The following ADPGK variants were observed in gnomAD, a reference collection of about 807,000 sequenced individuals.
ADPGK encodes the protein ADP dependent glucokinase, also known as ADP-dependent glucokinase.
A neutral mutation model predicts 42.4 loss-of-function variants in ADPGK; 26 were observed. The ratio of observed to expected loss-of-function variants is 0.61; its 90% CI spans 0.45 to 0.85. The LOEUF (loss-of-function observed/expected upper bound fraction) is 0.85. Ranked by LOEUF, ADPGK falls within the 40% of genes least tolerant of loss-of-function variation. The pLI is 0.00. For missense variants in ADPGK, 571 were observed against 627.0 expected (o/e 0.91, Z 0.95); for synonymous variants, 267 against 252.6 (o/e 1.06, Z -0.54).
At chr15:72,776,000 A>G (rs1356510588) in intron 1 of ADPGK, among the ~76,000 whole-genome samples, 4 of 152,088 alleles carry the variant, frequency 2.6e-5, no homozygotes, top group Admixed American at 2.6e-4. Flanking sequence ...AACTTTATAC[A>G]ATGTTTTAAA....
At chr15:72,782,750 A>G (rs2066480091) in intron 1 of ADPGK, 1 of 152,164 alleles carries the variant, frequency 6.6e-6, no homozygotes, top group Admixed American at 6.5e-5. Context: ...AGATTACGGC[A>G]AGAAAGTCAA....
At chr15:72,763,248 T>C (rs376987597) in intron 3 of ADPGK, among the ~76,000 whole-genome samples, 1 of 151,980 alleles carries the variant, frequency 6.6e-6, no homozygotes, top group African/African-American at 2.4e-5. Flanking sequence ...ACCTCCTGCG[T>C]TTAAGTGATT....
chr15:72,765,018 T>C (rs936137503), intron 3 of ADPGK, among the ~76,000 whole-genome samples: 1 of 151,346 alleles, frequency 6.6e-6, no homozygotes, highest in Non-Finnish European at 1.5e-5. Flanking sequence ...AAAAAATGTT[T>C]GAAGTATCAC....
chr15:72,774,881 T>C lies in ADPGK; in HGVS notation c.450A>G (p.Pro150=). 1 of 1,612,328 alleles carries C rather than the reference T, an allele frequency of 6.2e-7. No individual in the cohort carries two copies. Among genetic ancestry groups the C allele is most frequent in the Non-Finnish European group, 8.5e-7 (1 of 1,178,394 alleles). The change falls in exon 2 of 7, where the codon CCA becomes CCG. Residue 150 remains proline, a synonymous_variant. Coordinates refer to ENST00000456471, the MANE Select transcript of ADPGK (RefSeq NM_001365225.1). ...GCTGAACCAAACAGACCTGGGCTCC[T>C]GGGAACTCTGATGCAACCTGGGCAA... ...HDIAQVASEF[P]GAQHYVGGNA...
chr15:72,762,889 C>T lies in ADPGK; in HGVS notation c.523-2362G>A, dbSNP rs918413738. 2.0e-5 allele frequency among the ~76,000 whole-genome samples: 3 copies of T among 152,130 alleles called. No homozygotes were observed. In the East Asian group the frequency reaches 5.8e-4, roughly 29 times the overall value. On this transcript the variant is annotated intron_variant, in intron 3 of 6. Coordinates refer to ENST00000456471, the MANE Select transcript of ADPGK (RefSeq NM_001365225.1). ...ATCCCAGCTACTCAGGAGGCTGAGG[C>T]AGGAGAATCACTTGAACCTGGGAGG... is the stretch of plus-strand genomic sequence containing the variant.
chr15:72,752,541 C>T lies in ADPGK; in HGVS notation c.1294G>A (p.Glu432Lys), dbSNP rs1455836735. The T allele has an allele frequency of 3.1e-6, 5 of 1,614,204 alleles. No individual in the cohort carries two copies. In the Middle Eastern group the frequency reaches 4.9e-4, roughly 160 times the overall value. The change falls in exon 7 of 7, where the codon GAG becomes AAG. Residue 432 changes from glutamate to lysine, a missense_variant. Physicochemically the swap from Glu to Lys is moderately conservative, Grantham distance 56. Coordinates refer to ENST00000456471, the MANE Select transcript of ADPGK (RefSeq NM_001365225.1). ...TSRVSLRAPQ[E>K]FMTSHSEAGS... ...GCCTCCGAATGGGAAGTCATGAACT[C>T]TTGGGGTGCCCTCAGAGACACTCGG... is the stretch of plus-strand genomic sequence containing the variant.
chr15:72,755,509 C>A, intron 6 of ADPGK, 47 bp downstream of exon 6: 1 of 1,457,390 alleles, frequency 6.9e-7, no homozygotes, highest in South Asian at 1.2e-5. Flanking sequence ...AGCTTCTCTG[C>A]AAGGCTCTAT....
Position 72,757,193 on chromosome 15 carries a change from CT to C in ADPGK, c.644-747del, listed in dbSNP as rs1388186703. On this transcript the variant is annotated intron_variant, in intron 4 of 6. Transcript: ENST00000456471. ...GCACATGATTTTGCAATTCCTTTTT[CT>C]TTTTTCCTTTTTTTTTTTTTTTTTT... is the stretch of plus-strand genomic sequence containing the variant. 8 of 130,852 alleles carry C rather than the reference CT, an allele frequency of 6.1e-5. No individual in the cohort carries two copies. The East Asian group carries it at 1.2e-3, about 19-fold the overall frequency. 8.1% of individuals were successfully genotyped at this position (130,852 alleles called of 1,614,324 possible).
intron 3 of ADPGK, among the ~76,000 whole-genome samples, chr15:72,766,404 CACAGCCACCCCAAGCT>C (rs2066260076): frequency 6.6e-6 from 1 of 152,040 alleles, no homozygotes; most frequent in African/African-American, 2.4e-5. Flanking sequence ...AAGAAATTGC[CACAGCCACCCCAAGCT>C]TCAGCCACCA....
chr15:72,783,155 G>A (rs2066488351), intron 1 of ADPGK: 1 of 1,094,648 alleles, frequency 9.1e-7, no homozygotes, highest in Non-Finnish European at 1.1e-6. Context: ...CGCCAGAAGA[G>A]AAGGGGCTAA....
chr15:72,782,005 GC>G (rs1049534426), intron 1 of ADPGK, among the ~76,000 whole-genome samples: 16 of 152,340 alleles, frequency 1.1e-4, no homozygotes, highest in African/African-American at 3.8e-4. Flanking sequence ...AGCCAATCCT[GC>G]CAACACCTTG....
At chr15:72,776,046 C>T (rs1395768817) in intron 1 of ADPGK, among the ~76,000 whole-genome samples, 2 of 152,096 alleles carry the variant, frequency 1.3e-5, no homozygotes, top group Non-Finnish European at 2.9e-5. Flanking sequence ...CTATTCCTTA[C>T]GTGTGGGTGG....
rs759591580 is a variant in ADPGK, at chr15:72,752,503, A to T, written c.1332T>A (p.Ile444=). The change falls in exon 7 of 7, where the codon ATT becomes ATA. Residue 444 remains isoleucine, a synonymous_variant. Transcript: ENST00000456471. The stretch of plus-strand genomic sequence containing the variant: ...CTACTGGCTTGTTTGGGTTTAATAC[A>T]ATCCTGGAGCCTGCCTCCGAATGGG... ...MTSHSEAGSR[I]VLNPNKPVVE... The T allele has an allele frequency of 2.2e-5, 35 of 1,614,038 alleles. No individual in the cohort carries two copies. Among genetic ancestry groups the T allele is most frequent in the Non-Finnish European group, 2.9e-5 (34 of 1,180,042 alleles).
chr15:72,760,812 C>T (rs1025594694), intron 3 of ADPGK, among the ~76,000 whole-genome samples: 3 of 152,224 alleles, frequency 2.0e-5, no homozygotes, highest in Admixed American at 6.5e-5. Context: ...ACATCTCATT[C>T]CCTCTGCTGC....
At chr15:72,765,447 G>A (rs905755916) in intron 3 of ADPGK, among the ~76,000 whole-genome samples, 1 of 152,198 alleles carries the variant, frequency 6.6e-6, no homozygotes, top group African/African-American at 2.4e-5. Flanking sequence ...ACTGCACCTG[G>A]CTGGAATTTT....
chr15:72,758,207 T>C (rs1460942947), intron 4 of ADPGK: 7 of 1,348,162 alleles, frequency 5.2e-6, no homozygotes, highest in South Asian at 4.7e-5. Context: ...GGAGAGGCCA[T>C]GCAGGGGGCA....
intron 3 of ADPGK, among the ~76,000 whole-genome samples, chr15:72,762,516 T>C (rs2066207815): frequency 6.6e-6 from 1 of 152,182 alleles, no homozygotes; most frequent in African/African-American, 2.4e-5. Context: ...CCCAACCACT[T>C]TACTTCCTTT....
At chr15:72,783,290 G>A (rs1051548954) in intron 1 of ADPGK, 169 bp downstream of exon 1, 7 of 1,263,068 alleles carry the variant, frequency 5.5e-6, no homozygotes, top group Non-Finnish European at 7.0e-6. Context: ...GGAAAGAGCA[G>A]CGGTGACGAA....
At chr15:72,758,847 G>T (rs1004797108) in intron 4 of ADPGK, among the ~76,000 whole-genome samples, 7 of 152,190 alleles carry the variant, frequency 4.6e-5, no homozygotes, top group African/African-American at 1.7e-4. Flanking sequence ...AAACTGACAC[G>T]AATCTGGAAC....
Sources: gnomAD v4.1 joint callset for allele counts (sites outside exome capture counted in the v4.1 genomes callset) on GRCh38, gnomAD v4.1.1 for gene constraint, MANE v1.5 for transcripts, NCBI Gene and HGNC (gene_info 2026-07-23, HGNC 2026-07-21) for gene names.